Variants in LRRTM4 observed in about 807,000 individuals in gnomAD.
The protein encoded by LRRTM4 is leucine rich repeat transmembrane neuronal 4.
Under a neutral mutation model 47.6 loss-of-function variants are expected in LRRTM4, and 25 were observed. The ratio of observed to expected loss-of-function variants is 0.53; its 90% confidence interval spans 0.38 to 0.73. The LOEUF (loss-of-function observed/expected upper bound fraction) is 0.73. Among genes scored for constraint, LRRTM4 ranks in the 30% least tolerant of loss-of-function variants. LRRTM4 has a pLI of 0.00. For missense variants in LRRTM4, 638 were observed against 713.4 expected, an observed-to-expected ratio of 0.89 and a Z score of 1.20; for synonymous variants, 311 against 269.5, an observed-to-expected ratio of 1.15 and a Z score of -1.51.
chr2:77,313,594 C>T (rs1457556980), intron 3 of LRRTM4, among the ~76,000 whole-genome samples: 2 of 152,124 alleles, frequency 1.3e-5, no homozygotes, highest in Non-Finnish European at 2.9e-5. Flanking sequence ...AGCACCCTTC[C>T]TAGTTTTCTT....
rs1434001931 is a variant in LRRTM4, at chr2:76,961,550, A to C, written c.1552-212634T>G. ...CCATTAGCCAGAATGGTGAGAAAAG[A>C]AGCATCCTGGGCAACCTAAGCACTT... On this transcript the variant is annotated intron_variant, in intron 3 of 3. Transcript: ENST00000409884. 2.0e-5 allele frequency among the ~76,000 whole-genome samples: 3 copies of C among 151,436 alleles called. No homozygotes were observed. In the South Asian group the frequency reaches 6.2e-4, roughly 31 times the overall value.
chr2:77,123,044 A>G, intron 3 of LRRTM4, among the ~76,000 whole-genome samples: 1 of 151,834 alleles, frequency 6.6e-6, no homozygotes, highest in South Asian at 2.1e-4. Flanking sequence ...ATTAGGATCA[A>G]TTCAAATATG....
intron 3 of LRRTM4, among the ~76,000 whole-genome samples, chr2:77,447,908 T>C (rs1347118554): frequency 6.6e-6 from 1 of 152,166 alleles, no homozygotes; most frequent in African/African-American, 2.4e-5. Flanking sequence ...GTAATGAATG[T>C]TGAACGTGGG....
intron 3 of LRRTM4, among the ~76,000 whole-genome samples, chr2:77,189,905 TATAA>T (rs1225151745): frequency 3.3e-5 from 5 of 152,174 alleles, no homozygotes; most frequent in African/African-American, 1.2e-4. Flanking sequence ...TTAATAAATG[TATAA>T]ATACTTTATA....
At chr2:76,883,451 G>A (rs571098460) in intron 3 of LRRTM4, among the ~76,000 whole-genome samples, 55 of 152,164 alleles carry the variant, frequency 3.6e-4, no homozygotes, top group African/African-American at 1.2e-3. Context: ...TCCCTCTTTA[G>A]ACCTCAGAGG....
intron 3 of LRRTM4, among the ~76,000 whole-genome samples, chr2:77,216,666 T>A (rs536708218): frequency 2.2e-4 from 34 of 152,338 alleles, no homozygotes; most frequent in Admixed American, 9.1e-4. Flanking sequence ...CACCTAAATT[T>A]GTGTTTTTCA....
intron 3 of LRRTM4, among the ~76,000 whole-genome samples, chr2:77,298,998 G>A (rs755623882): frequency 2.0e-5 from 3 of 151,772 alleles, no homozygotes; most frequent in South Asian, 2.1e-4. Context: ...GCATAAAATC[G>A]TTTATATAAA....
intron 3 of LRRTM4, among the ~76,000 whole-genome samples, chr2:77,487,263 C>T (rs1294694544): frequency 6.6e-6 from 1 of 152,208 alleles, no homozygotes; most frequent in African/African-American, 2.4e-5. Context: ...ACCTGTGCAT[C>T]CCTGTGCTCT....
chr2:77,085,978 C>T lies in LRRTM4; in HGVS notation c.1552-337062G>A, dbSNP rs569823356. ...ATTGTCACTCCACAATGGACTGAAA[C>T]GCAGTATCAGTCCATTTTTTGAGAA... is the stretch of plus-strand genomic sequence containing the variant. On this transcript the variant is annotated intron_variant, in intron 3 of 3. Transcript: ENST00000409884. Among the ~76,000 whole-genome samples, 5 of 152,148 alleles carry T rather than the reference C, an allele frequency of 3.3e-5. No homozygotes were observed. The East Asian group carries it at 5.8e-4, about 18-fold the overall frequency.
At chr2:77,128,389 C>A (rs1477835418) in intron 3 of LRRTM4, among the ~76,000 whole-genome samples, 4 of 102,228 alleles carry the variant, frequency 3.9e-5, no homozygotes, top group Non-Finnish European at 7.9e-5. Flanking sequence ...TTTTGAAATT[C>A]TGTAACAGAT....
chr2:77,369,168 A>T (rs1672564793), intron 3 of LRRTM4, among the ~76,000 whole-genome samples: 1 of 151,670 alleles, frequency 6.6e-6, no homozygotes, highest in Admixed American at 6.6e-5. Context: ...CCAAATTCTT[A>T]CTTCATTCTT....
chr2:76,875,271 G>T (rs531945725), intron 3 of LRRTM4, among the ~76,000 whole-genome samples: 3 of 152,198 alleles, frequency 2.0e-5, no homozygotes, highest in African/African-American at 7.2e-5. Flanking sequence ...TGTGTCTGTT[G>T]TACTTATCAG....
At chr2:77,349,111 A>G (rs1433564509) in intron 3 of LRRTM4, among the ~76,000 whole-genome samples, 1 of 151,976 alleles carries the variant, frequency 6.6e-6, no homozygotes. Context: ...GAATGCAATA[A>G]GAAAATAAAA....
At chr2:77,220,771 A>G (rs1407401365) in intron 3 of LRRTM4, among the ~76,000 whole-genome samples, 1 of 152,242 alleles carries the variant, frequency 6.6e-6, no homozygotes, top group East Asian at 1.9e-4. Flanking sequence ...ACCAAGTTGG[A>G]AAACACTCTG....
chr2:77,164,013 G>A (rs1372884580), intron 3 of LRRTM4, among the ~76,000 whole-genome samples: 1 of 152,122 alleles, frequency 6.6e-6, no homozygotes, highest in Non-Finnish European at 1.5e-5. Context: ...ACACAGACTG[G>A]CAAATTGGAT....
intron 3 of LRRTM4, among the ~76,000 whole-genome samples, chr2:76,926,207 A>G (rs1674585038): frequency 6.6e-6 from 1 of 152,172 alleles, no homozygotes; most frequent in Non-Finnish European, 1.5e-5. Context: ...CAATGTGTCT[A>G]GGAGTACTTT....
intron 3 of LRRTM4, among the ~76,000 whole-genome samples, chr2:77,097,555 CTAAAA>C (rs1341239564): frequency 1.3e-5 from 2 of 151,798 alleles, no homozygotes; most frequent in African/African-American, 4.8e-5. Context: ...ACAAAAATGA[CTAAAA>C]TATTAGGACA....
chr2:76,991,564 C>A (rs534710765), intron 3 of LRRTM4, among the ~76,000 whole-genome samples: 2 of 151,684 alleles, frequency 1.3e-5, no homozygotes, highest in Non-Finnish European at 3.0e-5. Flanking sequence ...TTGAAATGCA[C>A]AACTTTCAAA....
chr2:77,003,275 CTTA>C (rs1410309706), intron 3 of LRRTM4, among the ~76,000 whole-genome samples: 1 of 147,556 alleles, frequency 6.8e-6, no homozygotes, highest in Non-Finnish European at 1.5e-5. Context: ...CTTTTATTTG[CTTA>C]TTTTCATTAT....
Sources: gnomAD v4.1 joint callset for allele counts (sites outside exome capture counted in the v4.1 genomes callset) on GRCh38, gnomAD v4.1.1 for gene constraint, MANE v1.5 for transcripts, NCBI Gene and HGNC (gene_info 2026-07-23, HGNC 2026-07-21) for gene names.